RBPJ: variants seen among roughly 807,000 people sequenced by gnomAD.
RBPJ encodes the protein recombination signal binding protein for immunoglobulin kappa J region.
A neutral mutation model predicts 67.8 loss-of-function variants in RBPJ; 9 were observed. The ratio of observed to expected loss-of-function variants is 0.13; its 90% CI spans 0.08 to 0.23. The LOEUF is 0.23. Among genes scored for constraint, RBPJ ranks in the 10% least tolerant of loss-of-function variants. RBPJ has a pLI of 1.00. For synonymous variants in RBPJ, 198 were observed against 203.3 expected (o/e 0.97, Z 0.22); for missense variants, 305 against 595.6 (o/e 0.51, Z 5.08).
intron 1 of RBPJ, among the ~76,000 whole-genome samples, chr4:26,219,977 G>T (rs1718848476): frequency 6.6e-6 from 1 of 151,758 alleles, no homozygotes. Context: ...TAGAGACGGG[G>T]TTTCACTATG....
intron 1 of RBPJ, among the ~76,000 whole-genome samples, chr4:26,340,833 T>TG: frequency 6.9e-6 from 1 of 144,308 alleles, no homozygotes. Flanking sequence ...CACTCCAGCC[T>TG]GGCAACAGAG....
intron 1 of RBPJ, among the ~76,000 whole-genome samples, chr4:26,374,184 C>G (rs1221840896): frequency 6.6e-6 from 1 of 152,134 alleles, no homozygotes; most frequent in Non-Finnish European, 1.5e-5. Context: ...AGGTGATCCA[C>G]TCGCCTCGGC....
At chr4:26,270,433 GAAAGAAGA>G (rs1308339059) in intron 1 of RBPJ, among the ~76,000 whole-genome samples, 97 of 57,740 alleles carry the variant, frequency 1.7e-3, no homozygotes, top group Middle Eastern at 0.012. Flanking sequence ...AAGAAAGAAA[GAAAGAAGA>G]AAGAAAGAAA....
At chr4:26,109,727 CTCTA>C in the RBPJ span, among the ~76,000 whole-genome samples, 19 of 95,426 alleles carry the variant, frequency 2.0e-4, no homozygotes, top group South Asian at 6.7e-4. Context: ...CTCTCTCTCT[CTCTA>C]TATATATATA....
Position 26,430,950 on chromosome 4 carries a change from A to G in RBPJ, c.1407A>G (p.Thr469=), listed in dbSNP as rs754445628. The part of the protein sequence containing the change: ...ESNTNSEGSY[T]NASTNSTSVT... ...ACACAAACAGCGAGGGAAGTTACAC[A>G]AACGCCAGCACAAATTCAACCAGTG... Residue 469 remains threonine (T), a synonymous_variant, in exon 11 of 11, where the codon ACA becomes ACG. Transcript: ENST00000355476. This position sits in a 1 kb window ranked among gnomAD's most constrained non-coding sequence, Gnocchi z 4.1. 4.3e-6 allele frequency: 7 copies of G among 1,614,108 alleles called. No homozygotes were observed. Among genetic ancestry groups the G allele is most frequent in the Non-Finnish European group, 5.9e-6 (7 of 1,180,002 alleles).
At chr4:26,404,422 A>G (rs762762257) in intron 2 of RBPJ, among the ~76,000 whole-genome samples, 10 of 152,200 alleles carry the variant, frequency 6.6e-5, no homozygotes, top group Non-Finnish European at 1.3e-4. Flanking sequence ...TTGAAATAGC[A>G]TAAACTTTTA....
intron 1 of RBPJ, among the ~76,000 whole-genome samples, chr4:26,186,634 T>C: frequency 6.6e-6 from 1 of 152,150 alleles, no homozygotes; most frequent in Non-Finnish European, 1.5e-5. Context: ...GGCTTGGCCA[T>C]TTGCTTTCAC....
upstream of RBPJ, among the ~76,000 whole-genome samples, chr4:26,316,910 G>A (rs1722672047): frequency 7.2e-6 from 1 of 139,672 alleles, no homozygotes; most frequent in African/African-American, 2.7e-5. Flanking sequence ...CCCTAGGCAG[G>A]CTAGTACTCA....
chr4:26,322,409 A>C (rs927955800), intron 1 of RBPJ: 1 of 152,210 alleles, frequency 6.6e-6, no homozygotes, highest in African/African-American at 2.4e-5. Flanking sequence ...CTTCTGCCTC[A>C]TAAGGAAAAG....
chr4:26,218,062 G>T (rs1718776450), intron 1 of RBPJ, among the ~76,000 whole-genome samples: 1 of 152,240 alleles, frequency 6.6e-6, no homozygotes, highest in East Asian at 1.9e-4. Context: ...CACGAGCCCC[G>T]CACAGGGAAC....
At chr4:26,383,684 A>G (rs1730537288) in intron 1 of RBPJ, among the ~76,000 whole-genome samples, 1 of 152,192 alleles carries the variant, frequency 6.6e-6, no homozygotes, top group South Asian at 2.1e-4. Flanking sequence ...GTTTTATTGT[A>G]ATCGTATGCT....
intron 1 of RBPJ, among the ~76,000 whole-genome samples, chr4:26,231,985 G>A (rs1383872393): frequency 1.3e-5 from 2 of 151,526 alleles, no homozygotes; most frequent in African/African-American, 4.9e-5. Context: ...TCCACCTCCC[G>A]AGTTCAAGCA....
chr4:26,208,595 C>T (rs1249991387), intron 1 of RBPJ, among the ~76,000 whole-genome samples: 2 of 152,186 alleles, frequency 1.3e-5, no homozygotes, highest in African/African-American at 4.8e-5. Flanking sequence ...ATCCCTTTGC[C>T]ACAAGCCATA....
At chr4:26,363,864 T>C (rs1391748274) in intron 1 of RBPJ, among the ~76,000 whole-genome samples, 1 of 152,256 alleles carries the variant, frequency 6.6e-6, no homozygotes, top group Non-Finnish European at 1.5e-5. Flanking sequence ...ATAGTAATTC[T>C]AGTCTTCGTA....
chr4:26,110,881 G>C, the RBPJ span, among the ~76,000 whole-genome samples: 1 of 152,294 alleles, frequency 6.6e-6, no homozygotes, highest in South Asian at 2.1e-4. This position sits in a 1 kb window ranked among gnomAD's most constrained non-coding sequence, Gnocchi z 4.5. Context: ...TCTCTGGTGA[G>C]GTTCTGACAC....
the RBPJ span, among the ~76,000 whole-genome samples, chr4:26,138,480 C>G: frequency 6.6e-6 from 1 of 152,086 alleles, no homozygotes; most frequent in Non-Finnish European, 1.5e-5. Flanking sequence ...AACAGAAGAG[C>G]CTCAGAGATG....
At chr4:26,418,323 A>G (rs975224101) in intron 4 of RBPJ, among the ~76,000 whole-genome samples, 2 of 152,120 alleles carry the variant, frequency 1.3e-5, no homozygotes, top group Non-Finnish European at 2.9e-5. Flanking sequence ...TTATTTGCTT[A>G]TTTTCTATGA....
At chr4:26,352,832 A>G (rs1436364374) in intron 1 of RBPJ, among the ~76,000 whole-genome samples, 1 of 152,256 alleles carries the variant, frequency 6.6e-6, no homozygotes, top group Non-Finnish European at 1.5e-5. Context: ...TTATACTGCC[A>G]TGTAAGTTCT....
At chr4:26,415,063 T>C (rs1488742211) in intron 3 of RBPJ, among the ~76,000 whole-genome samples, 1 of 152,208 alleles carries the variant, frequency 6.6e-6, no homozygotes, top group Non-Finnish European at 1.5e-5. Flanking sequence ...AATAGTAATG[T>C]CACTCATTAA....
Sources: allele counts gnomAD v4.1 joint callset (sites outside exome capture counted in the v4.1 genomes callset), GRCh38; gene constraint gnomAD v4.1.1; non-coding constraint Gnocchi (gnomAD v3.1); transcripts MANE v1.5; gene names NCBI Gene and HGNC (gene_info 2026-07-23, HGNC 2026-07-21).